ITGA9: variants seen among roughly 807,000 people sequenced by gnomAD.
The protein encoded by ITGA9 is integrin subunit alpha 9, also known as integrin alpha-9.
ITGA9 carries 56 observed loss-of-function variants against 127.8 expected under a neutral mutation model. The observed-to-expected ratio is 0.44, with a 90% CI of 0.35 to 0.55. ITGA9 has a LOEUF of 0.55. Ranked by LOEUF, ITGA9 falls within the 20% of genes least tolerant of loss-of-function variation. The probability of loss-of-function intolerance (pLI) is 0.00; values close to 1 mark genes in which losing one functional copy is unlikely to be tolerated. For missense variants in ITGA9, 1,196 were observed against 1,347.1 expected, an observed-to-expected ratio of 0.89 and a Z score of 1.76; for synonymous variants, 508 against 514.5, an observed-to-expected ratio of 0.99 and a Z score of 0.17.
intron 26 of ITGA9, 65 bp downstream of exon 26, chr3:37,785,143 T>A: frequency 8.7e-7 from 1 of 1,144,328 alleles, no homozygotes. Context: ...CTTGGAGACC[T>A]GGAGCTGGAA....
Position 37,683,908 on chromosome 3 carries a change from A to G in ITGA9, c.1960A>G (p.Asn654Asp). 6.2e-7 allele frequency: 1 copy of G among 1,614,066 alleles called. No homozygotes were observed. The highest frequency in any genetic ancestry group is 8.5e-7 in the Non-Finnish European group (1 of 1,179,966). ...GTATCTAGCTTTGGGGGCTGTGAAG[A>G]ACATCTCCCTAAACATCTCTATCTC... Reference protein sequence around the residue: ...TLYLALGAVKNISLNISISNL... With the variant: ...TLYLALGAVKDISLNISISNL... Residue 654 changes from asparagine to aspartate, a missense_variant, in exon 18 of 28, where the codon AAC becomes GAC. Physicochemically the swap from Asn to Asp is conservative, Grantham distance 23 (BLOSUM62 1). Coordinates refer to ENST00000264741, the MANE Select transcript of ITGA9 (RefSeq NM_002207.3).
rs1697491627 is a variant in ITGA9, at chr3:37,819,867, C to T, written c.*878C>T. 6.6e-6 allele frequency: 1 copy of T among 152,160 alleles called. No homozygotes were observed. The allele number at this position is 152,160 out of a possible 1,614,324, so 9.4% of individuals were successfully genotyped here. A position where few individuals can be genotyped will look rare whatever the true frequency, so the allele number is the denominator to read the frequency against. ...ATCCTGGACATCCTGCATCAGAGTT[C>T]ACACACCACAAGGACTAAATCCTTG... is the stretch of plus-strand genomic sequence containing the variant. On this transcript the variant is annotated 3_prime_UTR_variant, in exon 28 of 28. Coordinates refer to ENST00000264741, the MANE Select transcript of ITGA9 (RefSeq NM_002207.3).
In ITGA9 at chr3:37,508,677, T is replaced by A. The variant is rs77438539; in HGVS notation, c.897+50T>A. 6.8e-4 allele frequency: 1,011 copies of A among 1,484,606 alleles called. 12 individuals are homozygous for A. In the East Asian group the frequency reaches 0.02, roughly 30 times the overall value. 92.0% of individuals were successfully genotyped at this position (1,484,606 alleles called of 1,614,324 possible). On this transcript the variant is annotated intron_variant, in intron 8 of 27. Coordinates refer to ENST00000264741, the MANE Select transcript of ITGA9 (RefSeq NM_002207.3). ...ATTTTTTATTTGAGAGATGTGATCA[T>A]GTGGGAGTCAGTACTTTTTAGAAAA...
At chr3:37,547,502 C>T (rs1699337974) in intron 15 of ITGA9, among the ~76,000 whole-genome samples, 1 of 152,000 alleles carries the variant, frequency 6.6e-6, no homozygotes, top group Admixed American at 6.6e-5. Context: ...ACATTACATG[C>T]TGTGGGTTTA....
At position 37,533,308 on chromosome 3, in the gene ITGA9, C is replaced by T. The variant is rs755506326; in HGVS notation, c.1374-6C>T. 21 of 1,613,962 alleles carry T rather than the reference C, an allele frequency of 1.3e-5. No individual in the cohort carries two copies. Among genetic ancestry groups the T allele is most frequent in the Non-Finnish European group, 1.8e-5 (21 of 1,179,818 alleles). On this transcript the variant is annotated splice_polypyrimidine_tract_variant and splice_region_variant and intron_variant, in intron 13 of 27. Coordinates refer to ENST00000264741, the MANE Select transcript of ITGA9 (RefSeq NM_002207.3). ...GACTAAGTCACCTTCCTCTCTTGCC[C>T]TGCAGAGCAAGGCCTGTCATTACGG...
At chr3:37,496,874 T>C (rs1354407641) in intron 5 of ITGA9, among the ~76,000 whole-genome samples, 3 of 152,200 alleles carry the variant, frequency 2.0e-5, no homozygotes, top group Non-Finnish European at 4.4e-5. Flanking sequence ...GAGACACTAA[T>C]GGAGGAACTG....
intron 15 of ITGA9, among the ~76,000 whole-genome samples, chr3:37,570,959 C>T (rs1325427743): frequency 1.3e-5 from 2 of 152,228 alleles, no homozygotes; most frequent in African/African-American, 4.8e-5. Context: ...TTAAGCCTGC[C>T]ATTCTCCAAT....
chr3:37,613,686 G>A (rs1575167329), intron 15 of ITGA9, among the ~76,000 whole-genome samples: 2 of 152,312 alleles, frequency 1.3e-5, no homozygotes, highest in South Asian at 4.1e-4. Context: ...TCTCATTGTG[G>A]TTTTGATTTG....
intron 16 of ITGA9, among the ~76,000 whole-genome samples, chr3:37,637,997 G>T (rs768689650): frequency 2.6e-5 from 4 of 152,152 alleles, no homozygotes; most frequent in Non-Finnish European, 5.9e-5. Context: ...TAACAAGATG[G>T]CTGGGTGATT....
intron 22 of ITGA9, chr3:37,748,005 C>T (rs1465793409): frequency 6.4e-6 from 2 of 311,962 alleles, no homozygotes; most frequent in East Asian, 8.9e-5. Context: ...GCATAATGAC[C>T]TCCAGTTCCG....
chr3:37,464,672 A>G (rs1035269759), intron 1 of ITGA9, among the ~76,000 whole-genome samples: 2 of 152,214 alleles, frequency 1.3e-5, no homozygotes, highest in African/African-American at 2.4e-5. Context: ...CACCATGCAT[A>G]ACTTTCCCAT....
intron 21 of ITGA9, among the ~76,000 whole-genome samples, chr3:37,742,047 G>A (rs570373930): frequency 6.6e-6 from 1 of 152,304 alleles, no homozygotes; most frequent in South Asian, 2.1e-4. Context: ...GATAATCTGA[G>A]AAGTTTGATG....
chr3:37,716,891 C>G lies in ITGA9; in HGVS notation c.2068-15821C>G, dbSNP rs79799735. Among the ~76,000 whole-genome samples the G allele has an allele frequency of 3.3e-4, 50 of 152,158 alleles. No individual in the cohort carries two copies. The East Asian group carries it at 9.3e-3, about 28-fold the overall frequency. On this transcript the variant is annotated intron_variant, in intron 18 of 27. Coordinates refer to ENST00000264741, the MANE Select transcript of ITGA9 (RefSeq NM_002207.3). ...TTAAAAATACAAAAGGGACACATAA[C>G]TTCATCATTTAATTATATTAGGAGG... is the stretch of plus-strand genomic sequence containing the variant.
chr3:37,731,356 G>A (rs1194962024), intron 18 of ITGA9, among the ~76,000 whole-genome samples: 4 of 152,110 alleles, frequency 2.6e-5, no homozygotes, highest in African/African-American at 9.7e-5. Context: ...GGCTCCCAAG[G>A]TGATACTAAC....
At chr3:37,502,071 G>A (rs1157580756) in intron 5 of ITGA9, among the ~76,000 whole-genome samples, 1 of 152,150 alleles carries the variant, frequency 6.6e-6, no homozygotes, top group East Asian at 1.9e-4. Context: ...TGACTTCCTT[G>A]GGTGACCAAA....
intron 17 of ITGA9, among the ~76,000 whole-genome samples, chr3:37,654,990 C>G (rs1037649410): frequency 3.3e-5 from 5 of 152,120 alleles, no homozygotes; most frequent in East Asian, 1.9e-4. Flanking sequence ...ATGGTTTACA[C>G]CTTCATCCAT....
intron 4 of ITGA9, among the ~76,000 whole-genome samples, chr3:37,483,167 T>C (rs903380250): frequency 6.6e-6 from 1 of 152,168 alleles, no homozygotes; most frequent in African/African-American, 2.4e-5. Flanking sequence ...ACTTTGGTTT[T>C]CCCAGAAGAT....
At chr3:37,539,863 C>G (rs990438726) in intron 14 of ITGA9, among the ~76,000 whole-genome samples, 2 of 151,946 alleles carry the variant, frequency 1.3e-5, no homozygotes, top group Non-Finnish European at 1.5e-5. Context: ...TAGACCGTGC[C>G]CCAGAATTAC....
chr3:37,511,597 C>T (rs907154263), intron 8 of ITGA9, among the ~76,000 whole-genome samples: 3 of 152,200 alleles, frequency 2.0e-5, no homozygotes, highest in African/African-American at 7.2e-5. Context: ...TTTCTTTTAC[C>T]AAAGCTCAGA....
Sources: gnomAD v4.1 joint callset for allele counts (sites outside exome capture counted in the v4.1 genomes callset) on GRCh38, gnomAD v4.1.1 for gene constraint, MANE v1.5 for transcripts, NCBI Gene and HGNC (gene_info 2026-07-23, HGNC 2026-07-21) for gene names.